HMGA2: variants seen among roughly 807,000 people sequenced by gnomAD.
The protein encoded by HMGA2 is high mobility group AT-hook 2.
A neutral mutation model predicts 19.1 loss-of-function variants in HMGA2; 8 were observed. That is an observed-to-expected ratio of 0.42 (90% confidence interval 0.25 to 0.76). The LOEUF (loss-of-function observed/expected upper bound fraction) is 0.76. Among genes scored for constraint, HMGA2 ranks in the 30% least tolerant of loss-of-function variants. The pLI, the probability that HMGA2 is intolerant of heterozygous loss-of-function variation, is 0.28. For missense variants in HMGA2, 109 were observed against 136.3 expected (o/e 0.80, Z 1.00); for synonymous variants, 60 against 48.8 (o/e 1.23, Z -0.96).
chr12:65,885,889 T>A (rs999689869), intron 3 of HMGA2, among the ~76,000 whole-genome samples: 4 of 152,216 alleles, frequency 2.6e-5, no homozygotes, highest in African/African-American at 7.2e-5. Flanking sequence ...AATTACTCAG[T>A]TAAATGGGGA....
intron 3 of HMGA2, among the ~76,000 whole-genome samples, chr12:65,891,651 G>A (rs750703519): frequency 6.6e-6 from 1 of 152,192 alleles, no homozygotes; most frequent in Non-Finnish European, 1.5e-5. Flanking sequence ...AGTTTTCCTG[G>A]CTTCTCCAAG....
At chr12:65,830,850 C>CA in intron 2 of HMGA2, 1 of 151,940 alleles carries the variant, frequency 6.6e-6, no homozygotes, top group Middle Eastern at 3.4e-3. Flanking sequence ...TATAAGAACA[C>CA]AATTTCCTAT....
chr12:65,940,146 T>A (rs1302954284), intron 3 of HMGA2, among the ~76,000 whole-genome samples: 2 of 152,170 alleles, frequency 1.3e-5, no homozygotes, highest in South Asian at 2.1e-4. Flanking sequence ...TTAACATTTA[T>A]CACGGATATT....
chr12:65,833,763 T>TA (rs1364703142), intron 2 of HMGA2, among the ~76,000 whole-genome samples: 2 of 152,214 alleles, frequency 1.3e-5, no homozygotes, highest in Admixed American at 6.5e-5. Flanking sequence ...GTCTCAGTTC[T>TA]ACTACCTGTG....
At chr12:65,947,322 C>G (rs1183694048) in intron 3 of HMGA2, among the ~76,000 whole-genome samples, 1 of 152,100 alleles carries the variant, frequency 6.6e-6, no homozygotes, top group Admixed American at 6.6e-5. Context: ...GCTAGGTTGC[C>G]CAAGCTGGTC....
intron 3 of HMGA2, among the ~76,000 whole-genome samples, chr12:65,887,615 C>T (rs1161069567): frequency 2.0e-5 from 3 of 152,086 alleles, no homozygotes; most frequent in East Asian, 3.9e-4. Context: ...CCCAGCAACT[C>T]AGGAGGCTGA....
chr12:65,871,339 G>A (rs1228390078), intron 3 of HMGA2, among the ~76,000 whole-genome samples: 5 of 152,102 alleles, frequency 3.3e-5, no homozygotes, highest in African/African-American at 7.2e-5. Flanking sequence ...CACAGAGACC[G>A]TCTGCCCAAC....
intron 2 of HMGA2, among the ~76,000 whole-genome samples, chr12:65,835,596 G>A (rs1870680790): frequency 6.6e-6 from 1 of 152,046 alleles, no homozygotes; most frequent in Admixed American, 6.6e-5. Flanking sequence ...TTCTCAATAG[G>A]CTTTTTGTAA....
At chr12:65,946,636 G>A (rs1876275497) in intron 3 of HMGA2, among the ~76,000 whole-genome samples, 2 of 152,078 alleles carry the variant, frequency 1.3e-5, no homozygotes, top group African/African-American at 2.4e-5. Flanking sequence ...AGAAGGAGTG[G>A]CTTAGCTGTC....
intron 3 of HMGA2, among the ~76,000 whole-genome samples, chr12:65,843,932 C>T (rs1871124309): frequency 6.6e-6 from 1 of 151,712 alleles, no homozygotes; most frequent in South Asian, 2.1e-4. Flanking sequence ...GCCTGTAGTC[C>T]CAGCTATTCA....
At chr12:65,872,470 T>C (rs1392872504) in intron 3 of HMGA2, among the ~76,000 whole-genome samples, 1 of 152,204 alleles carries the variant, frequency 6.6e-6, no homozygotes, top group Non-Finnish European at 1.5e-5. Context: ...GGTATCTGTG[T>C]TTCAGTCACT....
At chr12:65,844,897 C>A (rs1258358890) in intron 3 of HMGA2, among the ~76,000 whole-genome samples, 2 of 152,218 alleles carry the variant, frequency 1.3e-5, no homozygotes, top group Non-Finnish European at 2.9e-5. Flanking sequence ...TCTTATTTCT[C>A]CATATGCTAT....
At chr12:65,873,153 T>G (rs1872794057) in intron 3 of HMGA2, among the ~76,000 whole-genome samples, 1 of 152,234 alleles carries the variant, frequency 6.6e-6, no homozygotes, top group Non-Finnish European at 1.5e-5. Context: ...CCGTCTACTA[T>G]AATTATTTGT....
At chr12:65,838,883 A>G (rs1870857602) in intron 3 of HMGA2, among the ~76,000 whole-genome samples, 1 of 152,142 alleles carries the variant, frequency 6.6e-6, no homozygotes, top group Admixed American at 6.5e-5. Context: ...ACTAAAGTTA[A>G]AGGGTATTAT....
chr12:65,834,426 C>G (rs1431900665), intron 2 of HMGA2, among the ~76,000 whole-genome samples: 3 of 152,188 alleles, frequency 2.0e-5, no homozygotes. Context: ...GTGAAATTAT[C>G]TCTAGTTTTA....
chr12:65,842,924 T>C, intron 3 of HMGA2: 2 of 1,161,354 alleles, frequency 1.7e-6, no homozygotes, highest in South Asian at 3.9e-5. Context: ...ACCTCATGTA[T>C]AAAATCCTCC....
chr12:65,838,789 T>C (rs550315222), intron 3 of HMGA2, among the ~76,000 whole-genome samples: 19 of 152,176 alleles, frequency 1.2e-4, no homozygotes, highest in South Asian at 8.3e-4. Context: ...GACTCATTTT[T>C]CTATCTCTTA....
intron 3 of HMGA2, among the ~76,000 whole-genome samples, chr12:65,844,069 A>AT (rs1565705213): frequency 6.7e-6 from 1 of 149,166 alleles, no homozygotes; most frequent in Non-Finnish European, 1.5e-5. Flanking sequence ...AAAAAAAAAA[A>AT]GAAATATATA....
intron 3 of HMGA2, among the ~76,000 whole-genome samples, chr12:65,895,728 A>G (rs141252867): frequency 6.6e-6 from 1 of 152,002 alleles, no homozygotes; most frequent in African/African-American, 2.4e-5. Context: ...TCTTTGTCCT[A>G]CATAGTCTGC....
Sources: gnomAD v4.1 joint callset for allele counts (sites outside exome capture counted in the v4.1 genomes callset) on GRCh38, gnomAD v4.1.1 for gene constraint, MANE v1.5 for transcripts, NCBI Gene and HGNC (gene_info 2026-07-23, HGNC 2026-07-21) for gene names.